Variants in NEMF observed in about 807,000 individuals in gnomAD.
NEMF encodes the protein ribosome quality control complex subunit NEMF.
Under a neutral mutation model 162.2 loss-of-function variants are expected in NEMF, and 89 were observed. The ratio of observed to expected loss-of-function variants is 0.55; its 90% CI spans 0.46 to 0.65. NEMF has a LOEUF of 0.65. NEMF is among the 30% of genes least tolerant of loss of function. The pLI is 0.00. For synonymous variants in NEMF, 421 were observed against 404.5 expected (o/e 1.04, Z -0.49); for missense variants, 1,133 against 1,261.9 (o/e 0.90, Z 1.55).
Position 49,784,626 on chromosome 14 carries a change from T to G in NEMF, c.*10A>C. 1 of 1,593,154 alleles carries G rather than the reference T, an allele frequency of 6.3e-7. No individual in the cohort carries two copies. Among genetic ancestry groups the G allele is most frequent in the East Asian group, 2.2e-5 (1 of 44,708 alleles). On this transcript the variant is annotated 3_prime_UTR_variant, in exon 33 of 33. Coordinates refer to ENST00000298310, the MANE Select transcript of NEMF (RefSeq NM_004713.6). The stretch of plus-strand genomic sequence containing the variant: ...TGGCTCTTCTCAAATATTTTAGAAT[T>G]TCATTTCAGCTATTTCCTTTTTACG...
chr14:49,782,227 C>T lies in NEMF; in HGVS notation c.*2409G>A. On this transcript the variant is annotated 3_prime_UTR_variant, in exon 33 of 33. Transcript: ENST00000298310. The stretch of plus-strand genomic sequence containing the variant: ...GATTGATCTGCTTTTGCTACTTTCC[C>T]TTAAGATTTTACTTCTCGCCATGAT... 1 of 542,964 alleles carries T rather than the reference C, an allele frequency of 1.8e-6. No individual in the cohort carries two copies. Among genetic ancestry groups the T allele is most frequent in the Non-Finnish European group, 3.3e-6 (1 of 301,568 alleles). The allele number at this position is 542,964 out of a possible 1,614,324, so 33.6% of individuals were successfully genotyped here.
chr14:49,832,019 T>C (rs1019434078), intron 10 of NEMF, 32 bp downstream of exon 10: 14 of 1,476,180 alleles, frequency 9.5e-6, no homozygotes, highest in Non-Finnish European at 1.2e-5. Context: ...TCATGCTAAC[T>C]AACTGGTAAA....
At position 49,802,495 on chromosome 14, in the gene NEMF, T is replaced by C. The variant is rs1299007967; in HGVS notation, c.2053A>G (p.Ser685Gly). Residue 685 changes from serine (S) to glycine (G), a missense_variant, in exon 22 of 33, where the codon AGT (serine) becomes GGT (glycine). Physicochemically the swap from Ser to Gly is moderately conservative, Grantham distance 56. This residue lies in a region of NEMF where 532 missense variants were observed against 578.6 expected (regional missense o/e 0.92). Coordinates refer to ENST00000298310, the MANE Select transcript of NEMF (RefSeq NM_004713.6). ...TCTGATATGAGTTCACTTGTACAAC[T>C]TGCCAGTGTCTCCATGTCTTCATCC... ...VQDEDMETLA[S>G]CTSELISEEM... is the part of the protein sequence containing the mutation. 8.1e-6 allele frequency: 13 copies of C among 1,613,874 alleles called. No individual in the cohort carries two copies. The Admixed American group carries it at 1.3e-4, about 17-fold the overall frequency.
At chr14:49,825,810 T>C (rs907857778) in intron 16 of NEMF, 57 bp downstream of exon 16, 3 of 1,126,704 alleles carry the variant, frequency 2.7e-6, no homozygotes, top group Non-Finnish European at 3.9e-6. Flanking sequence ...CTAAACAATG[T>C]GCATGGATAA....
At chr14:49,797,058 C>T (rs573727397) in intron 25 of NEMF, among the ~76,000 whole-genome samples, 2 of 152,214 alleles carry the variant, frequency 1.3e-5, no homozygotes, top group Non-Finnish European at 2.9e-5. Flanking sequence ...ATGACTACTT[C>T]CTGAATCCAG....
intron 29 of NEMF, chr14:49,786,124 T>TA (rs1327341089): frequency 6.5e-6 from 1 of 152,762 alleles, no homozygotes; most frequent in African/African-American, 2.4e-5. Context: ...TGAGAAGGAA[T>TA]AGGTAGGGGC....
chr14:49,797,876 G>A (rs117758031), intron 25 of NEMF, among the ~76,000 whole-genome samples: 49 of 152,238 alleles, frequency 3.2e-4, no homozygotes, highest in Middle Eastern at 3.4e-3. Context: ...TCCTGGCCAC[G>A]GCTACCATCT....
intron 3 of NEMF, among the ~76,000 whole-genome samples, chr14:49,850,904 T>C (rs1893741287): frequency 6.6e-6 from 1 of 152,112 alleles, no homozygotes; most frequent in African/African-American, 2.4e-5. Context: ...AAATTATACT[T>C]TAAAAAAATT....
chr14:49,783,555 T>G lies in NEMF; in HGVS notation c.*1081A>C, dbSNP rs1890016460. The G allele has an allele frequency of 6.6e-6, 1 of 152,112 alleles. No homozygotes were observed. Among genetic ancestry groups the G allele is most frequent in the Non-Finnish European group, 1.5e-5 (1 of 68,014 alleles). 9.4% of individuals were successfully genotyped at this position (152,112 alleles called of 1,614,324 possible). On this transcript the variant is annotated 3_prime_UTR_variant, in exon 33 of 33. Coordinates refer to ENST00000298310, the MANE Select transcript of NEMF (RefSeq NM_004713.6). ...AAGTTTTTTTTTAATTAATAGGTTT[T>G]ATAGCTCATGAAGGAATGGAAATAA...
At chr14:49,811,110 T>C (rs1891457379) in intron 18 of NEMF, among the ~76,000 whole-genome samples, 1 of 152,238 alleles carries the variant, frequency 6.6e-6, no homozygotes, top group Admixed American at 6.5e-5. Flanking sequence ...ATGTCCAATT[T>C]AGGTCTTTAA....
Position 49,789,306 on chromosome 14 carries a change from C to G in NEMF, c.2735G>C (p.Gly912Ala). 1.2e-6 allele frequency: 2 copies of G among 1,614,118 alleles called. No homozygotes were observed. Among genetic ancestry groups the G allele is most frequent in the Non-Finnish European group, 1.7e-6 (2 of 1,180,018 alleles). ...GSNKEEKGKKGKKGKTKDEPV... is the reference protein window; with the variant it reads ...GSNKEEKGKKAKKGKTKDEPV... ...TTCGTCCTTTGTTTTTCCTTTCTTCCCCTTCTTCCCTTTTTCTTCTTTGTT... is the reference window on the plus strand; with the variant it reads ...TTCGTCCTTTGTTTTTCCTTTCTTCGCCTTCTTCCCTTTTTCTTCTTTGTT... The change falls in exon 28 of 33, where the codon GGG (glycine) becomes GCG (alanine). Residue 912 changes from glycine to alanine, a missense_variant. Transcript: ENST00000298310.
rs538862615 is a variant in NEMF, at chr14:49,839,683, T to C, written c.506+1035A>G. On this transcript the variant is annotated intron_variant, in intron 5 of 32. Transcript: ENST00000298310. ...GTCTCCTCAATTTACCAAGAAATCATAACCATTTGAAGTAACCCAAAACTT... is the reference window on the plus strand; with the variant it reads ...GTCTCCTCAATTTACCAAGAAATCACAACCATTTGAAGTAACCCAAAACTT... 5.3e-5 allele frequency: 8 copies of C among 152,336 alleles called. No homozygotes were observed. The East Asian group carries it at 1.5e-3, about 29-fold the overall frequency. The allele number at this position is 152,336 out of a possible 1,614,324, so 9.4% of individuals were successfully genotyped here. A position where few individuals can be genotyped will look rare whatever the true frequency, so the allele number is the denominator to read the frequency against.
intron 4 of NEMF, 114 bp downstream of exon 4, chr14:49,846,026 T>A: frequency 1.3e-6 from 1 of 778,360 alleles, no homozygotes; most frequent in South Asian, 2.0e-5. Context: ...TTTCCTAGGG[T>A]AGTAACAACC....
intron 5 of NEMF, among the ~76,000 whole-genome samples, chr14:49,838,720 G>A (rs780870880): frequency 2.7e-5 from 4 of 150,556 alleles, no homozygotes; most frequent in African/African-American, 4.9e-5. Flanking sequence ...GAGTAGCTAG[G>A]ACTACAGGCG....
In NEMF at chr14:49,803,594, C is replaced by T. The variant is rs533198796; in HGVS notation, c.1858-300G>A. On this transcript the variant is annotated intron_variant, in intron 19 of 32. Transcript: ENST00000298310. ...AAGCTGAAGTGCAGTGGCACAATCT[C>T]GGCTCACTGTAACCTCCACCTCCTT... Among the ~76,000 whole-genome samples the T allele has an allele frequency of 5.3e-5, 8 of 151,258 alleles. No homozygotes were observed. The East Asian group carries it at 1.2e-3, about 22-fold the overall frequency.
At chr14:49,824,254 G>C (rs1317164527) in intron 16 of NEMF, among the ~76,000 whole-genome samples, 2 of 151,572 alleles carry the variant, frequency 1.3e-5, no homozygotes, top group Non-Finnish European at 2.9e-5. Context: ...ACCTTTAAAA[G>C]TCTGAGGAGG....
At chr14:49,813,754 C>A (rs1836487139) in intron 18 of NEMF, among the ~76,000 whole-genome samples, 1 of 151,812 alleles carries the variant, frequency 6.6e-6, no homozygotes, top group Non-Finnish European at 1.5e-5. Flanking sequence ...CAGGTGCATG[C>A]CACTGCACCC....
chr14:49,802,713 G>C lies in NEMF; in HGVS notation c.1930C>G (p.Leu644Val). The C allele has an allele frequency of 6.2e-7, 1 of 1,609,570 alleles. No individual in the cohort carries two copies. Among genetic ancestry groups the C allele is most frequent in the Non-Finnish European group, 8.5e-7 (1 of 1,177,090 alleles). ...CCCATCATTAGATATGAGGGAGGAA[G>C]AAAATTCTTTTTTCCTACAAAAGAT... is the stretch of plus-strand genomic sequence containing the variant. The part of the protein sequence containing the change: ...SFMIRGKKNF[L>V]PPSYLMMGFS... The change falls in exon 21 of 33, where the codon CTT (leucine) becomes GTT (valine). Residue 644 changes from leucine (L) to valine (V), a missense_variant. Coordinates refer to ENST00000298310, the MANE Select transcript of NEMF (RefSeq NM_004713.6).
At chr14:49,793,947 A>G (rs935285750) in intron 26 of NEMF, among the ~76,000 whole-genome samples, 1 of 151,498 alleles carries the variant, frequency 6.6e-6, no homozygotes, top group Non-Finnish European at 1.5e-5. Flanking sequence ...TTTTAATTTT[A>G]CTGGTGGTTC....
Sources: allele counts gnomAD v4.1 joint callset (sites outside exome capture counted in the v4.1 genomes callset), GRCh38; gene constraint gnomAD v4.1.1; regional missense constraint gnomAD v4.1.1; transcripts MANE v1.5; gene names NCBI Gene and HGNC (gene_info 2026-07-23, HGNC 2026-07-21).